The following MSRA variants were observed in gnomAD, a reference collection of about 807,000 sequenced individuals.
The protein encoded by MSRA is mitochondrial peptide methionine sulfoxide reductase.
Under a neutral mutation model 31.3 loss-of-function variants are expected in MSRA, and 54 were observed. That is an observed-to-expected ratio of 1.73 (90% CI 1.39 to 2.17). MSRA has a LOEUF of 2.17. Among genes scored for constraint, MSRA ranks in the 30% most tolerant of loss-of-function variants. The pLI is 0.00. For synonymous variants in MSRA, 169 were observed against 116.5 expected (o/e 1.45, Z -2.90); for missense variants, 507 against 300.9 (o/e 1.69, Z -5.07).
chr8:10,427,241 C>T (rs1457993501), intron 5 of MSRA, among the ~76,000 whole-genome samples: 1 of 152,192 alleles, frequency 6.6e-6, no homozygotes, highest in Non-Finnish European at 1.5e-5. Context: ...CGTGTGCTCA[C>T]ATGCTTCAAG....
At chr8:10,204,284 G>A (rs1012685294) in intron 1 of MSRA, among the ~76,000 whole-genome samples, 18 of 152,184 alleles carry the variant, frequency 1.2e-4, no homozygotes, top group Non-Finnish European at 2.5e-4. Context: ...GCCTAAGTGC[G>A]TGATATTTAT....
At chr8:10,093,799 C>G (rs373072781) in intron 1 of MSRA, among the ~76,000 whole-genome samples, 2 of 152,298 alleles carry the variant, frequency 1.3e-5, no homozygotes, top group South Asian at 2.1e-4. Context: ...TCTTGTAGAG[C>G]AGGTCTGCTA....
intron 4 of MSRA, among the ~76,000 whole-genome samples, chr8:10,305,126 G>A (rs1228820857): frequency 6.6e-6 from 1 of 152,138 alleles, no homozygotes; most frequent in African/African-American, 2.4e-5. Flanking sequence ...GGACTTGAAG[G>A]GGCCTTAAAT....
intron 1 of MSRA, among the ~76,000 whole-genome samples, chr8:10,093,451 A>G (rs1407128293): frequency 6.6e-6 from 1 of 152,104 alleles, no homozygotes; most frequent in Non-Finnish European, 1.5e-5. Flanking sequence ...CTTTGCTCCT[A>G]TATAGCTCTG....
rs558934141 is a variant in MSRA, at chr8:10,103,015, A to G, written c.142+48357A>G. Among the ~76,000 whole-genome samples, 8 of 152,316 alleles carry G rather than the reference A, an allele frequency of 5.3e-5. No individual in the cohort carries two copies. In the South Asian group the frequency reaches 1.7e-3, roughly 32 times the overall value. ...CAAATTAGGGACTGAGCCTTCTTTA[A>G]TCACTAGCTACCCAGAGATTAGTAT... On this transcript the variant is annotated intron_variant, in intron 1 of 5. Coordinates refer to ENST00000317173, the MANE Select transcript of MSRA (RefSeq NM_012331.5).
At chr8:10,355,573 A>G (rs377575034) in intron 5 of MSRA, among the ~76,000 whole-genome samples, 1 of 152,182 alleles carries the variant, frequency 6.6e-6, no homozygotes, top group East Asian at 1.9e-4. Flanking sequence ...CACCTGATGG[A>G]TGCATTTCTT....
At chr8:10,148,410 G>T (rs1323670324) in intron 1 of MSRA, among the ~76,000 whole-genome samples, 2 of 151,792 alleles carry the variant, frequency 1.3e-5, no homozygotes, top group African/African-American at 4.8e-5. Flanking sequence ...CACTTTGGAG[G>T]CTGAGGCAGG....
intron 1 of MSRA, among the ~76,000 whole-genome samples, chr8:10,075,962 A>T (rs762122101): frequency 1.5e-4 from 23 of 152,268 alleles, no homozygotes; most frequent in Non-Finnish European, 3.1e-4. Flanking sequence ...CCATACGTCG[A>T]TGTCTGCCGC....
At chr8:10,385,548 G>C (rs1168457484) in intron 5 of MSRA, among the ~76,000 whole-genome samples, 1 of 152,220 alleles carries the variant, frequency 6.6e-6, no homozygotes, top group Admixed American at 6.5e-5. Flanking sequence ...GAGGGGCAGA[G>C]GAGTGAGAAG....
intron 4 of MSRA, among the ~76,000 whole-genome samples, chr8:10,307,871 A>G (rs1317259892): frequency 6.6e-6 from 1 of 152,224 alleles, no homozygotes; most frequent in Non-Finnish European, 1.5e-5. Flanking sequence ...CCACCCATAA[A>G]GACAAAATCC....
chr8:10,219,929 G>GT (rs1247241106), intron 2 of MSRA, among the ~76,000 whole-genome samples: 5 of 150,308 alleles, frequency 3.3e-5, no homozygotes, highest in African/African-American at 1.2e-4. Context: ...AACAGTGCCA[G>GT]TTCTTTTTTT....
chr8:10,329,355 A>C (rs535365442), intron 5 of MSRA, among the ~76,000 whole-genome samples: 1 of 152,160 alleles, frequency 6.6e-6, no homozygotes, highest in Non-Finnish European at 1.5e-5. Flanking sequence ...GGGTGCCACC[A>C]TGCATGGCCT....
At chr8:10,177,603 C>A (rs1396793849) in intron 1 of MSRA, among the ~76,000 whole-genome samples, 1 of 152,278 alleles carries the variant, frequency 6.6e-6, no homozygotes, top group East Asian at 1.9e-4. Flanking sequence ...TTAAAAATTG[C>A]ATGTAGGTAT....
At chr8:10,127,024 C>A (rs1186577711) in intron 1 of MSRA, among the ~76,000 whole-genome samples, 1 of 152,206 alleles carries the variant, frequency 6.6e-6, no homozygotes, top group Non-Finnish European at 1.5e-5. Flanking sequence ...GGGTTGGGGA[C>A]CCCTGCTCTA....
intron 5 of MSRA, among the ~76,000 whole-genome samples, chr8:10,324,145 C>G (rs1057350064): frequency 6.6e-6 from 1 of 152,206 alleles, no homozygotes; most frequent in Non-Finnish European, 1.5e-5. Flanking sequence ...AGTGGAGGGC[C>G]TCTGGCCACA....
intron 2 of MSRA, among the ~76,000 whole-genome samples, chr8:10,231,035 C>G (rs1274052190): frequency 6.6e-6 from 1 of 152,220 alleles, no homozygotes; most frequent in African/African-American, 2.4e-5. Flanking sequence ...TTCCCCCCAC[C>G]TTGGCCTCCC....
At chr8:10,324,002 G>A (rs948619344) in intron 5 of MSRA, among the ~76,000 whole-genome samples, 1 of 152,112 alleles carries the variant, frequency 6.6e-6, no homozygotes, top group Non-Finnish European at 1.5e-5. Flanking sequence ...GATTCCACTG[G>A]GAGATGAGTT....
At chr8:10,211,282 C>T (rs1039413728) in intron 2 of MSRA, among the ~76,000 whole-genome samples, 5 of 152,150 alleles carry the variant, frequency 3.3e-5, no homozygotes, top group Admixed American at 6.5e-5. Context: ...TAAAAACTGT[C>T]GCTGGCATAC....
At position 10,089,695 on chromosome 8, in the gene MSRA, T is replaced by G. The variant is rs1798763650; in HGVS notation, c.142+35037T>G. 2.0e-5 allele frequency among the ~76,000 whole-genome samples: 3 copies of G among 152,230 alleles called. No homozygotes were observed. The South Asian group carries it at 6.2e-4, about 31-fold the overall frequency. ...TAAGAAATATGGCATTAGCATCTGC[T>G]GGCCTCCGGTGAGGACCTTTGTGCT... On this transcript the variant is annotated intron_variant, in intron 1 of 5. Coordinates refer to ENST00000317173, the MANE Select transcript of MSRA (RefSeq NM_012331.5).
Sources: gnomAD v4.1 joint callset for allele counts (sites outside exome capture counted in the v4.1 genomes callset) on GRCh38, gnomAD v4.1.1 for gene constraint, MANE v1.5 for transcripts, NCBI Gene and HGNC (gene_info 2026-07-23, HGNC 2026-07-21) for gene names.